The following RNF13 variants were observed in gnomAD, a reference collection of about 807,000 sequenced individuals.
The protein encoded by RNF13 is ring finger protein 13.
RNF13 carries 19 observed loss-of-function variants against 37.7 expected under a neutral mutation model. The observed-to-expected ratio is 0.50, with a 90% CI of 0.35 to 0.74. RNF13 has a LOEUF of 0.74. RNF13 is among the 30% of genes least tolerant of loss of function. The pLI is 0.01. For synonymous variants in RNF13, 144 were observed against 157.8 expected (o/e 0.91, Z 0.65); for missense variants, 375 against 453.0 (o/e 0.83, Z 1.56).
intron 8 of RNF13, among the ~76,000 whole-genome samples, chr3:149,928,995 A>G (rs1317187277): frequency 6.6e-6 from 1 of 152,168 alleles, no homozygotes; most frequent in Non-Finnish European, 1.5e-5. Flanking sequence ...GTGTGGAGAA[A>G]CACAACTGAT....
chr3:149,899,273 C>G (rs1715574409), intron 5 of RNF13, among the ~76,000 whole-genome samples: 1 of 152,048 alleles, frequency 6.6e-6, no homozygotes, highest in Non-Finnish European at 1.5e-5. Flanking sequence ...TTGTGAAACC[C>G]CATCTCTACT....
chr3:149,942,595 CTT>C (rs1282740918), intron 8 of RNF13, among the ~76,000 whole-genome samples: 2 of 152,040 alleles, frequency 1.3e-5, no homozygotes, highest in Admixed American at 6.5e-5. Context: ...CATCCTGTAA[CTT>C]TGCTGAATTT....
At chr3:149,860,270 A>AAAAATAT (rs1302318768) in intron 3 of RNF13, among the ~76,000 whole-genome samples, 5 of 104,096 alleles carry the variant, frequency 4.8e-5, no homozygotes, top group East Asian at 2.3e-4. Flanking sequence ...AAAAAAAAAA[A>AAAAATAT]ATATATATAT....
chr3:149,943,364 G>T (rs1261315376), intron 8 of RNF13, among the ~76,000 whole-genome samples: 1 of 151,874 alleles, frequency 6.6e-6, no homozygotes, highest in African/African-American at 2.4e-5. Flanking sequence ...CACTAGAGTG[G>T]TCCATCTGTT....
At chr3:149,875,874 A>G (rs986992534) in intron 4 of RNF13, among the ~76,000 whole-genome samples, 73 of 2,092 alleles carry the variant, frequency 0.035, no homozygotes, top group African/African-American at 0.23. Context: ...TTGTCTTTGT[A>G]TGATGCTGTT....
At chr3:149,935,290 C>T (rs535336288) in intron 8 of RNF13, among the ~76,000 whole-genome samples, 1 of 152,048 alleles carries the variant, frequency 6.6e-6, no homozygotes, top group Non-Finnish European at 1.5e-5. Context: ...AGTTTCTTAT[C>T]GGCAGCAGAT....
At chr3:149,832,465 A>G (rs1054042822) in intron 1 of RNF13, among the ~76,000 whole-genome samples, 11 of 152,184 alleles carry the variant, frequency 7.2e-5, no homozygotes, top group African/African-American at 2.7e-4. Flanking sequence ...GGAAATTTTC[A>G]AATTTTTCAG....
chr3:149,939,528 GC>G, intron 8 of RNF13: 1 of 583,246 alleles, frequency 1.7e-6, no homozygotes. Context: ...TTATTTCAAG[GC>G]CCCCAGAAAC....
chr3:149,825,106 A>G (rs1720365699), intron 1 of RNF13, among the ~76,000 whole-genome samples: 1 of 151,432 alleles, frequency 6.6e-6, no homozygotes, highest in African/African-American at 2.4e-5. Flanking sequence ...CTATAGGTGC[A>G]TGCCACCACA....
chr3:149,930,023 TC>T (rs1719013404), intron 8 of RNF13, among the ~76,000 whole-genome samples: 1 of 152,198 alleles, frequency 6.6e-6, no homozygotes, highest in African/African-American at 2.4e-5. Context: ...CCTCCCAGGT[TC>T]AAGCAATTCT....
At chr3:149,947,639 A>G (rs1576586657) in intron 8 of RNF13, among the ~76,000 whole-genome samples, 1 of 152,126 alleles carries the variant, frequency 6.6e-6, no homozygotes, top group Admixed American at 6.5e-5. Flanking sequence ...ACCTCTGGTG[A>G]TCCGACCGCC....
chr3:149,832,263 T>C (rs1721134732), intron 1 of RNF13, among the ~76,000 whole-genome samples: 1 of 152,208 alleles, frequency 6.6e-6, no homozygotes, highest in African/African-American at 2.4e-5. Flanking sequence ...CTGAGCTTAC[T>C]TGGTGGATTT....
intron 8 of RNF13, chr3:149,939,110 T>C: frequency 1.9e-6 from 1 of 513,294 alleles, no homozygotes; most frequent in Non-Finnish European, 3.8e-6. Flanking sequence ...AACTAGGTCC[T>C]TTTCGTGTTT....
In RNF13 at chr3:149,933,879, C is replaced by T. The variant is rs566334707; in HGVS notation, c.700+12652C>T. 1.7e-4 allele frequency among the ~76,000 whole-genome samples: 26 copies of T among 152,276 alleles called. No homozygotes were observed. In the East Asian group the frequency reaches 4.8e-3, roughly 28 times the overall value. ...GATTACAGGTGTGAGCCACCATGCT[C>T]AGCCTCTAACAGTTTCTTGATGGAG... On this transcript the variant is annotated intron_variant, in intron 8 of 9. Transcript: ENST00000392894.
chr3:149,932,637 C>G (rs1243194663), intron 8 of RNF13, among the ~76,000 whole-genome samples: 1 of 152,212 alleles, frequency 6.6e-6, no homozygotes, highest in Non-Finnish European at 1.5e-5. Flanking sequence ...AAGTTTAAAG[C>G]TCCAACATAA....
chr3:149,838,241 A>G (rs1721827666), intron 1 of RNF13, among the ~76,000 whole-genome samples: 1 of 152,022 alleles, frequency 6.6e-6, no homozygotes, highest in South Asian at 2.1e-4. Flanking sequence ...CGGCTTTTCC[A>G]GGTGCACGGT....
intron 8 of RNF13, among the ~76,000 whole-genome samples, chr3:149,930,764 A>G (rs929238993): frequency 6.6e-6 from 1 of 152,112 alleles, no homozygotes. Context: ...TTCAGATTGT[A>G]CGTTTCTTTT....
intron 4 of RNF13, among the ~76,000 whole-genome samples, chr3:149,873,534 A>G (rs963876350): frequency 1.3e-5 from 2 of 152,048 alleles, no homozygotes; most frequent in Admixed American, 1.3e-4. Context: ...GCTTGCCTTG[A>G]ATTTTATGTT....
chr3:149,851,358 C>G (rs979146134), intron 2 of RNF13: 3 of 152,226 alleles, frequency 2.0e-5, no homozygotes, highest in African/African-American at 7.2e-5. Flanking sequence ...CAACTGGTCA[C>G]AGCTGTAATT....
Sources: gnomAD v4.1 joint callset for allele counts (sites outside exome capture counted in the v4.1 genomes callset) on GRCh38, gnomAD v4.1.1 for gene constraint, MANE v1.5 for transcripts, NCBI Gene and HGNC (gene_info 2026-07-23, HGNC 2026-07-21) for gene names.